The following SPAG16 variants were observed in gnomAD, a reference collection of about 807,000 sequenced individuals.
The protein encoded by SPAG16 is sperm-associated antigen 16 protein.
A neutral mutation model predicts 80.4 loss-of-function variants in SPAG16; 86 were observed. That is an observed-to-expected ratio of 1.07 (90% CI 0.90 to 1.28). The LOEUF is 1.28. Ranked by LOEUF, SPAG16 falls within the 50% of genes most tolerant of loss-of-function variation. The probability of loss-of-function intolerance (pLI) is 0.00; values close to 1 mark genes in which losing one functional copy is unlikely to be tolerated. For synonymous variants in SPAG16, 294 were observed against 265.9 expected (o/e 1.11, Z -1.03); for missense variants, 870 against 765.3 (o/e 1.14, Z -1.61).
chr2:213,636,349 A>G lies in SPAG16; in HGVS notation c.1070+146259A>G, dbSNP rs534562448. 2.1e-4 allele frequency among the ~76,000 whole-genome samples: 32 copies of G among 152,160 alleles called. No homozygotes were observed. In the South Asian group the frequency reaches 5.2e-3, roughly 25 times the overall value. On this transcript the variant is annotated intron_variant, in intron 10 of 15. Coordinates refer to ENST00000331683, the MANE Select transcript of SPAG16 (RefSeq NM_024532.5). The stretch of plus-strand genomic sequence containing the variant: ...CCAGTACCTTGCTGTTTTCATGACT[A>G]TAGCCTTGTAGTATAGTTTGAAGTT...
chr2:214,320,171 C>T (rs554124253), intron 15 of SPAG16, among the ~76,000 whole-genome samples: 22 of 152,214 alleles, frequency 1.4e-4, no homozygotes, highest in Non-Finnish European at 2.6e-4. Flanking sequence ...AGTGACTCTT[C>T]TGATTTCTCA....
chr2:213,407,623 GA>G (rs1559100835), intron 9 of SPAG16, among the ~76,000 whole-genome samples: 229 of 133,568 alleles, frequency 1.7e-3, no homozygotes, highest in Non-Finnish European at 2.3e-3. Flanking sequence ...GAGAGAGAGA[GA>G]GAGAGAGAGA....
intron 13 of SPAG16, among the ~76,000 whole-genome samples, chr2:214,055,109 G>C (rs1250176025): frequency 1.3e-5 from 2 of 152,064 alleles, no homozygotes; most frequent in Non-Finnish European, 2.9e-5. Context: ...CATAAAATAA[G>C]ATATGTAAAA....
At chr2:213,760,711 AG>A (rs1351125312) in intron 10 of SPAG16, among the ~76,000 whole-genome samples, 1 of 152,208 alleles carries the variant, frequency 6.6e-6, no homozygotes, top group African/African-American at 2.4e-5. Context: ...GATCCTAAGA[AG>A]ATTGTCTTAG....
chr2:214,036,896 C>T (rs2048726689), intron 13 of SPAG16, among the ~76,000 whole-genome samples: 1 of 151,972 alleles, frequency 6.6e-6, no homozygotes, highest in Non-Finnish European at 1.5e-5. Context: ...TATACTGGGT[C>T]ATTTGTTTCT....
Position 214,024,331 on chromosome 2 carries a change from C to A in SPAG16, c.1527+10254C>A, listed in dbSNP as rs78338309. On this transcript the variant is annotated intron_variant, in intron 13 of 15. Transcript: ENST00000331683. ...TTTTTATTCATTACTGAAATGGCTT[C>A]TTTGTAATAATTTTAGAGTATTTTA... Among the ~76,000 whole-genome samples the A allele has an allele frequency of 7.1e-3, 1,076 of 151,618 alleles. 9 individuals carry two copies. Among genetic ancestry groups the A allele is most frequent in the African/African-American group, 0.023 (970 of 41,476 alleles).
At chr2:214,048,976 C>A (rs1478227605) in intron 13 of SPAG16, among the ~76,000 whole-genome samples, 1 of 146,174 alleles carries the variant, frequency 6.8e-6, no homozygotes, top group East Asian at 2.3e-4. Flanking sequence ...CTCTCTGTTG[C>A]CCAGGCTGGA....
At chr2:213,904,170 C>A (rs1274513679) in intron 11 of SPAG16, among the ~76,000 whole-genome samples, 1 of 152,168 alleles carries the variant, frequency 6.6e-6, no homozygotes, top group Non-Finnish European at 1.5e-5. Flanking sequence ...AAGTCGGTTC[C>A]ACATTTTTGG....
In SPAG16 at chr2:213,720,644, TAAATAA is replaced by T. The variant is rs554434836; in HGVS notation, c.1071-141839_1071-141834del. ...CAGAGAAAGACTCCATCTAAAAACT[TAAATAA>T]ATAAAGAAAAAAAATATTTACCTCA... On this transcript the variant is annotated intron_variant, in intron 10 of 15. Transcript: ENST00000331683. Among the ~76,000 whole-genome samples the T allele has an allele frequency of 2.0e-5, 3 of 150,654 alleles. No homozygotes were observed. In the East Asian group the frequency reaches 6.0e-4, roughly 30 times the overall value.
chr2:214,137,174 C>CATTG (rs1357058769), intron 14 of SPAG16, among the ~76,000 whole-genome samples: 1 of 152,042 alleles, frequency 6.6e-6, no homozygotes, highest in African/African-American at 2.4e-5. Context: ...AATTAATGTG[C>CATTG]ATTGGCTTAC....
intron 13 of SPAG16, among the ~76,000 whole-genome samples, chr2:214,071,677 C>T (rs1042964572): frequency 6.6e-6 from 1 of 152,112 alleles, no homozygotes; most frequent in African/African-American, 2.4e-5. Flanking sequence ...CCTTTCCTAT[C>T]CTCCTTCAAT....
Position 214,123,726 on chromosome 2 carries a change from G to A in SPAG16, c.1593+15465G>A, listed in dbSNP as rs138356919. On this transcript the variant is annotated intron_variant, in intron 14 of 15. Coordinates refer to ENST00000331683, the MANE Select transcript of SPAG16 (RefSeq NM_024532.5). The stretch of plus-strand genomic sequence containing the variant: ...TGGGGCTTAAAATGCAATGATCAGA[G>A]AGAGATTCTCTGAGAGAATAAAGAA... Among the ~76,000 whole-genome samples the A allele has an allele frequency of 1.1e-3, 174 of 152,120 alleles. 1 individual carries two copies. Among genetic ancestry groups the A allele is most frequent in the African/African-American group, 4.1e-3 (170 of 41,538 alleles).
intron 11 of SPAG16, among the ~76,000 whole-genome samples, chr2:213,904,778 A>G (rs758478811): frequency 6.6e-6 from 1 of 152,092 alleles, no homozygotes; most frequent in Non-Finnish European, 1.5e-5. Context: ...TAGCAAGAGC[A>G]AGTCCTTATG....
intron 10 of SPAG16, among the ~76,000 whole-genome samples, chr2:213,557,782 T>A (rs1310719068): frequency 6.6e-6 from 1 of 152,176 alleles, no homozygotes; most frequent in Non-Finnish European, 1.5e-5. Context: ...TACTTCTTTT[T>A]TCAGATTCAA....
intron 10 of SPAG16, among the ~76,000 whole-genome samples, chr2:213,793,999 A>G (rs2070866569): frequency 1.3e-5 from 2 of 152,186 alleles, no homozygotes; most frequent in Non-Finnish European, 2.9e-5. Flanking sequence ...CACAAACATC[A>G]TCAAATTCTT....
chr2:213,940,072 A>T (rs898515053), intron 12 of SPAG16, among the ~76,000 whole-genome samples: 5 of 152,332 alleles, frequency 3.3e-5, no homozygotes, highest in Middle Eastern at 3.4e-3. Flanking sequence ...TATGGTAATT[A>T]CATAAATATG....
At chr2:214,352,556 C>CTGTGTGTGTGTGTG (rs71409878) in intron 15 of SPAG16, among the ~76,000 whole-genome samples, 50,241 of 95,430 alleles carry the variant, frequency 0.53, 10,464 homozygotes, top group Non-Finnish European at 0.6. Context: ...GACTTTTTTT[C>CTGTGTGTGTGTGTG]TCTGTGTGTG....
intron 7 of SPAG16, among the ~76,000 whole-genome samples, chr2:213,359,649 G>A (rs1204452517): frequency 2.0e-5 from 3 of 152,336 alleles, no homozygotes; most frequent in South Asian, 2.1e-4. Flanking sequence ...TATTTGGACA[G>A]AAGTGCCTCG....
intron 13 of SPAG16, among the ~76,000 whole-genome samples, chr2:214,053,999 C>T (rs1484043582): frequency 3.3e-5 from 5 of 151,300 alleles, no homozygotes; most frequent in South Asian, 4.2e-4. Flanking sequence ...CCCCCACTCC[C>T]TTTTTTTTTA....
Sources: gnomAD v4.1 joint callset for allele counts (sites outside exome capture counted in the v4.1 genomes callset) on GRCh38, gnomAD v4.1.1 for gene constraint, MANE v1.5 for transcripts, NCBI Gene and HGNC (gene_info 2026-07-23, HGNC 2026-07-21) for gene names.